Variants in MUC17 observed in about 807,000 individuals in gnomAD.
The protein encoded by MUC17 is mucin-17.
A neutral mutation model predicts 170.3 loss-of-function variants in MUC17; 190 were observed. The ratio of observed to expected loss-of-function variants is 1.12; its 90% CI spans 0.99 to 1.26. MUC17 has a LOEUF of 1.26. Among genes scored for constraint, MUC17 ranks in the 50% most tolerant of loss-of-function variants. The pLI is 0.00. For synonymous variants in MUC17, 2,325 were observed against 2,002.5 expected (o/e 1.16, Z -4.30); for missense variants, 6,415 against 5,530.0 (o/e 1.16, Z -5.08).
At position 101,039,794 on chromosome 7, in the gene MUC17, C is replaced by T; in HGVS notation, c.8378C>T (p.Thr2793Ile). The stretch of plus-strand genomic sequence containing the variant: ...TCTACTGAAGCCAGTTCCTCTCCTA[C>T]AACTGCTGAAGTTACCAGCATGCCA... ...TTSTEASSSP[T>I]TAEVTSMPTS... is the part of the protein sequence containing the mutation. The change falls in exon 3 of 13, where the codon ACA (threonine) becomes ATA (isoleucine). Residue 2793 changes from threonine to isoleucine, a missense_variant. Physicochemically the swap from Thr to Ile is moderately conservative, Grantham distance 89. Transcript: ENST00000306151. 6.2e-7 allele frequency: 1 copy of T among 1,609,128 alleles called. No homozygotes were observed.
intron 1 of MUC17, among the ~76,000 whole-genome samples, chr7:101,022,972 C>T (rs952246676): frequency 3.9e-5 from 6 of 152,166 alleles, no homozygotes; most frequent in South Asian, 2.1e-4. Flanking sequence ...CAGCAATCTC[C>T]GTGCCTTACA....
rs1370845649 is a variant in MUC17, at chr7:101,033,568, C to T, written c.2152C>T (p.Pro718Ser). 2 of 1,613,898 alleles carry T rather than the reference C, an allele frequency of 1.2e-6. No homozygotes were observed. Among genetic ancestry groups the T allele is most frequent in the Non-Finnish European group, 1.7e-6 (2 of 1,180,008 alleles). ...LSTTPVDTST[P>S]VTTSTEASSS... Reference sequence around the variant, plus strand: ...AACAACTCCTGTTGACACCAGCACACCTGTGACCACTTCAACTGAAGCCAG... The same window carrying T: ...AACAACTCCTGTTGACACCAGCACATCTGTGACCACTTCAACTGAAGCCAG... The change falls in exon 3 of 13, where the codon CCT (proline) becomes TCT (serine). Residue 718 changes from proline to serine, a missense_variant. Physicochemically the swap from Pro to Ser is moderately conservative, Grantham distance 74. Transcript: ENST00000306151.
At chr7:101,025,164 A>G (rs1410085585) in intron 1 of MUC17, among the ~76,000 whole-genome samples, 1 of 152,066 alleles carries the variant, frequency 6.6e-6, no homozygotes, top group Non-Finnish European at 1.5e-5. Context: ...CAGAAGTTTG[A>G]GACCAGCCTG....
Position 101,035,916 on chromosome 7 carries a change from A to G in MUC17, c.4500A>G (p.Glu1500=), listed in dbSNP as rs1794461934. ...TAVSSSPTPA[E]GTSIAISTPS... is the part of the protein sequence containing the mutation. The stretch of plus-strand genomic sequence containing the variant: ...TCAGTTCATCTCCTACACCTGCTGA[A>G]GGTACCAGCATAGCAATCTCAACGC... Residue 1500 remains glutamate (E), a synonymous_variant, in exon 3 of 13, where the codon GAA becomes GAG. Coordinates refer to ENST00000306151, the MANE Select transcript of MUC17 (RefSeq NM_001040105.2). 6.2e-7 allele frequency: 1 copy of G among 1,612,604 alleles called. No individual in the cohort carries two copies. Among genetic ancestry groups the G allele is most frequent in the East Asian group, 2.2e-5 (1 of 44,664 alleles).
rs77145638 is a variant in MUC17 at position 101,051,672 on chromosome 7, G to A, written c.12934G>A (p.Asp4312Asn). 4.9e-4 allele frequency: 788 copies of A among 1,611,504 alleles called. 12 individuals carry two copies. The East Asian group carries it at 0.015, about 30-fold the overall frequency. The change falls in exon 8 of 13, where the codon GAC (aspartate) becomes AAC (asparagine). Residue 4312 changes from aspartate to asparagine, a missense_variant. Transcript: ENST00000306151. ...QVQNITVTQY[D>N]PEEDCRKMAK... ...GCAAAACATTACGGTGACCCAGTAC[G>A]ACCCTGAAGGTAGGTGATAACACAA...
intron 11 of MUC17, among the ~76,000 whole-genome samples, chr7:101,055,889 A>AT (rs1795035979): frequency 6.6e-6 from 1 of 152,238 alleles, no homozygotes; most frequent in Non-Finnish European, 1.5e-5. Flanking sequence ...ATCTTTGGAA[A>AT]TTTTTTTCAA....
In MUC17 at chr7:101,031,712, C is replaced by T. The variant is rs146605853; in HGVS notation, c.296C>T (p.Thr99Ile). 75 of 1,612,448 alleles carry T rather than the reference C, an allele frequency of 4.7e-5. No individual in the cohort carries two copies. The highest frequency in any genetic ancestry group is 6.4e-5 in the Non-Finnish European group (75 of 1,178,896). ...PEMTSIESSV[T>I]SDTPGVSSTR... is the part of the protein sequence containing the mutation. ...ATGACCTCGATTGAGTCCAGTGTGA[C>T]TTCAGACACTCCTGGTGTCTCCAGT... Residue 99 changes from threonine (T) to isoleucine (I), a missense_variant, in exon 3 of 13, where the codon ACT becomes ATT. Physicochemically the swap from Thr to Ile is moderately conservative, Grantham distance 89. Coordinates refer to ENST00000306151, the MANE Select transcript of MUC17 (RefSeq NM_001040105.2).
intron 1 of MUC17, 137 bp downstream of exon 1, chr7:101,020,354 G>A (rs1025710363): frequency 3.4e-6 from 2 of 587,742 alleles, no homozygotes; most frequent in Non-Finnish European, 5.5e-6. Context: ...TCAGCCCTGT[G>A]CCTACCCCCT....
At chr7:101,022,315 C>A (rs144040758) in intron 1 of MUC17, among the ~76,000 whole-genome samples, 2 of 152,118 alleles carry the variant, frequency 1.3e-5, no homozygotes, top group African/African-American at 4.8e-5. Flanking sequence ...TACGGATGCA[C>A]GCTACTGTAC....
chr7:101,051,592 T>A (rs749972778), intron 7 of MUC17, 21 bp from the exon 8 acceptor site: 1 of 1,610,888 alleles, frequency 6.2e-7, no homozygotes, highest in Admixed American at 1.7e-5. Flanking sequence ...TCGTGAGGGG[T>A]TTTATGTGTC....
chr7:101,020,158 C>A lies in MUC17; in HGVS notation c.23C>A (p.Ala8Glu). 6.2e-7 allele frequency: 1 copy of A among 1,608,084 alleles called. No homozygotes were observed. Among genetic ancestry groups the A allele is most frequent in the South Asian group, 1.1e-5 (1 of 89,616 alleles). The change falls in exon 1 of 13, where the codon GCG (alanine) becomes GAG (glutamate). Residue 8 changes from alanine (A) to glutamate (E), a missense_variant. Ala to Glu is a moderately radical substitution (Grantham distance 107). Transcript: ENST00000306151. MPRPGTM[A>E]LCLLTLVLSL... ...CCGATGCCAAGGCCAGGGACCATGGCGCTGTGTCTGCTGACCTTGGTCCTC... is the reference window on the plus strand; with the variant it reads ...CCGATGCCAAGGCCAGGGACCATGGAGCTGTGTCTGCTGACCTTGGTCCTC...
chr7:101,027,657 G>C (rs532817625), intron 1 of MUC17, among the ~76,000 whole-genome samples: 79 of 152,038 alleles, frequency 5.2e-4, no homozygotes, highest in Admixed American at 1.4e-3. Context: ...TGAAAATTTG[G>C]GGCCATTCTT....
chr7:101,050,143 C>A (rs939491473), intron 6 of MUC17, among the ~76,000 whole-genome samples: 5 of 152,118 alleles, frequency 3.3e-5, no homozygotes, highest in Non-Finnish European at 5.9e-5. Context: ...ACAAAAAACC[C>A]AAAAACCTCA....
chr7:101,030,646 A>G (rs1024272169), intron 1 of MUC17, among the ~76,000 whole-genome samples: 1 of 152,052 alleles, frequency 6.6e-6, no homozygotes, highest in African/African-American at 2.4e-5. Context: ...ATAGCTCATT[A>G]TGAACATGAT....
rs752197236 is a variant in MUC17 at position 101,033,770 on chromosome 7, G to A, written c.2354G>A (p.Ser785Asn). The A allele has an allele frequency of 1.9e-6, 3 of 1,613,618 alleles. No individual in the cohort carries two copies. The highest frequency in any genetic ancestry group is 1.3e-5 in the African/African-American group (1 of 74,744). ...CATATCACCACTTCTACTGAAGCCA[G>A]TTGCTCTCCTACAACCACTGAAGGT... ...STHITTSTEA[S>N]CSPTTTEGTS... Residue 785 changes from serine to asparagine, a missense_variant, in exon 3 of 13, where the codon AGT (serine) becomes AAT (asparagine). Coordinates refer to ENST00000306151, the MANE Select transcript of MUC17 (RefSeq NM_001040105.2).
rs774981999 is a variant in MUC17 at position 101,031,111 on chromosome 7, C to T, written c.83-9C>T. ...CTCTGGGATACTAACTCCCCTTTGT[C>T]TCTTTCAGACCTCAGTGTGAACAGG... On this transcript the variant is annotated splice_polypyrimidine_tract_variant and intron_variant, in intron 1 of 12. Transcript: ENST00000306151. The T allele has an allele frequency of 2.5e-6, 4 of 1,604,758 alleles. No individual in the cohort carries two copies. Among genetic ancestry groups the T allele is most frequent in the East Asian group, 2.3e-5 (1 of 44,442 alleles).
intron 5 of MUC17, 138 bp downstream of exon 5, chr7:101,049,110 C>T: frequency 6.9e-7 from 1 of 1,440,570 alleles, no homozygotes; most frequent in Non-Finnish European, 9.5e-7. Flanking sequence ...TCAGGGCTTG[C>T]CAGTGCAGGA....
chr7:101,052,274 G>C (rs1032658294), intron 9 of MUC17, among the ~76,000 whole-genome samples: 3 of 152,180 alleles, frequency 2.0e-5, no homozygotes, highest in Non-Finnish European at 4.4e-5. Flanking sequence ...TCTCTCCAGA[G>C]AGAGAACAAG....
In MUC17 at chr7:101,048,918, A is replaced by G. The variant is rs1426457258; in HGVS notation, c.12609A>G (p.Leu4203=). Residue 4203 remains leucine (L), a synonymous_variant, in exon 5 of 13, where the codon CTA becomes CTG. Coordinates refer to ENST00000306151, the MANE Select transcript of MUC17 (RefSeq NM_001040105.2). The part of the protein sequence containing the change: ...TVTSVKFTEE[L]KNHSSQEFQE... The stretch of plus-strand genomic sequence containing the variant: ...CCAGTGTGAAGTTCACCGAAGAGCT[A>G]AAAAACCACTCTTCCCAGGAATTCC... The G allele has an allele frequency of 1.9e-6, 3 of 1,613,836 alleles. No individual in the cohort carries two copies. The highest frequency in any genetic ancestry group is 2.2e-5 in the East Asian group (1 of 44,880).
Sources: gnomAD v4.1 joint callset for allele counts (sites outside exome capture counted in the v4.1 genomes callset) on GRCh38, gnomAD v4.1.1 for gene constraint, MANE v1.5 for transcripts, NCBI Gene and HGNC (gene_info 2026-07-23, HGNC 2026-07-21) for gene names.